Variants in TNS3 observed in about 807,000 individuals in gnomAD.
TNS3 encodes the protein tensin 3.
A neutral mutation model predicts 140.9 loss-of-function variants in TNS3; 45 were observed. That is an observed-to-expected ratio of 0.32 (90% CI 0.25 to 0.41). The LOEUF is 0.41. Ranked by LOEUF, TNS3 falls within the 10% of genes least tolerant of loss-of-function variation. The pLI is 1.00. For synonymous variants in TNS3, 815 were observed against 788.4 expected, an observed-to-expected ratio of 1.03 and a Z score of -0.56; for missense variants, 1,716 against 1,906.7, an observed-to-expected ratio of 0.90 and a Z score of 1.86.
In TNS3 at chr7:47,556,902, G is replaced by A. The variant is rs537599474; in HGVS notation, c.-265+25149C>T. ...GGCACCTGGCGATTCTCAATGCAAC[G>A]GTGCTGGGCAGAAGGGCAGGTTGCA... is the stretch of plus-strand genomic sequence containing the variant. On this transcript the variant is annotated intron_variant, in intron 1 of 30. Transcript: ENST00000311160. 1.7e-3 allele frequency: 689 copies of A among 395,930 alleles called. 2 individuals carry two copies. Among genetic ancestry groups the A allele is most frequent in the Non-Finnish European group, 2.9e-3 (578 of 196,674 alleles). The allele number at this position is 395,930 out of a possible 1,614,324, so 24.5% of individuals were successfully genotyped here.
intron 3 of TNS3, 35 bp downstream of exon 3, chr7:47,506,872 T>C: frequency 7.8e-7 from 1 of 1,285,386 alleles, no homozygotes; most frequent in Non-Finnish European, 1.0e-6. Context: ...AAGTCAGCTA[T>C]AAAAAGTCCC....
intron 17 of TNS3, among the ~76,000 whole-genome samples, chr7:47,362,670 T>G (rs1047328508): frequency 3.9e-5 from 6 of 152,096 alleles, no homozygotes; most frequent in African/African-American, 1.4e-4. Context: ...GTGTAGGCAC[T>G]CAGAGTAACA....
chr7:47,376,764 T>A (rs1273271993), intron 16 of TNS3, among the ~76,000 whole-genome samples: 1 of 56,702 alleles, frequency 1.8e-5, no homozygotes, highest in East Asian at 3.9e-4. Context: ...CAAACTCATA[T>A]ACACCTCACT....
At chr7:47,490,966 G>C (rs56091439) in intron 3 of TNS3, among the ~76,000 whole-genome samples, 10,964 of 152,236 alleles carry the variant, frequency 0.072, 1,248 homozygotes, top group African/African-American at 0.24. Flanking sequence ...GTAGAGGAAA[G>C]GGGCTCAAAA....
chr7:47,489,219 G>T lies in TNS3; in HGVS notation c.-114-8078C>A, dbSNP rs569785900. Among the ~76,000 whole-genome samples the T allele has an allele frequency of 2.6e-5, 4 of 152,288 alleles. No individual in the cohort carries two copies. The East Asian group carries it at 7.7e-4, about 29-fold the overall frequency. ...CTGCGGGCTGAGAACCGGGACAGGA[G>T]CGGAAGAGAAAGAGAAGGAAAATTC... On this transcript the variant is annotated intron_variant, in intron 3 of 30. Transcript: ENST00000311160.
In TNS3 at chr7:47,554,429, CA is replaced by C. The variant is rs899700857; in HGVS notation, c.-264-25283del. 6.5e-4 allele frequency among the ~76,000 whole-genome samples: 25 copies of C among 38,216 alleles called. No individual in the cohort carries two copies. The East Asian group carries it at 8.7e-3, about 13-fold the overall frequency. The allele number at this position is 38,216 out of a possible 152,430, so 25.1% of individuals were successfully genotyped here. On this transcript the variant is annotated intron_variant, in intron 1 of 30. Transcript: ENST00000311160. ...GAAGACTCCATCTCAAAAAAAAAAA[CA>C]AAAAAAAAAACAAATCTGGAAAAGA...
chr7:47,377,423 G>A (rs749785296), intron 16 of TNS3, among the ~76,000 whole-genome samples: 11 of 152,180 alleles, frequency 7.2e-5, no homozygotes, highest in African/African-American at 2.2e-4. Context: ...GGACACAAAT[G>A]GGTGTGGTCG....
At chr7:47,402,564 C>A (rs1793223640) in intron 13 of TNS3, among the ~76,000 whole-genome samples, 1 of 152,226 alleles carries the variant, frequency 6.6e-6, no homozygotes, top group Non-Finnish European at 1.5e-5. Flanking sequence ...TGGGCCCCTC[C>A]TTTGAGCTCC....
chr7:47,293,801 C>T lies in TNS3; in HGVS notation c.3704G>A (p.Arg1235Gln), dbSNP rs1169371955. The change falls in exon 25 of 31, where the codon CGG becomes CAG. Residue 1235 changes from arginine (R) to glutamine (Q), a missense_variant. By Grantham distance (43) the Arg-to-Gln change is conservative (BLOSUM62 1). This residue lies in a region of TNS3 where 216 missense variants were observed against 295.7 expected (regional missense o/e 0.73). Coordinates refer to ENST00000311160, the MANE Select transcript of TNS3 (RefSeq NM_022748.12). ...CGGGGTACACTCGATCAAAAAGTGC[C>T]GGACGAGTTCATTGGCCAAATCTCC... ...KAGDLANELV[R>Q]HFLIECTPKG... 2.5e-6 allele frequency: 4 copies of T among 1,613,982 alleles called. No homozygotes were observed. The highest frequency in any genetic ancestry group is 3.4e-6 in the Non-Finnish European group (4 of 1,180,036).
At chr7:47,572,395 A>C (rs1374269385) in intron 1 of TNS3, among the ~76,000 whole-genome samples, 1 of 152,248 alleles carries the variant, frequency 6.6e-6, no homozygotes, top group African/African-American at 2.4e-5. Flanking sequence ...TGGGAAGAGG[A>C]AAATGAATGA....
At chr7:47,457,277 G>A (rs2151668641) in intron 4 of TNS3, among the ~76,000 whole-genome samples, 1 of 152,126 alleles carries the variant, frequency 6.6e-6, no homozygotes, top group Admixed American at 6.5e-5. Context: ...AGCTAGCTGG[G>A]TAATTCCACT....
rs138594880 is a variant in TNS3, at chr7:47,322,917, T to G, written c.2651-17914A>C. Among the ~76,000 whole-genome samples, 58 of 152,268 alleles carry G rather than the reference T, an allele frequency of 3.8e-4. 1 individual carries two copies. The highest frequency in any genetic ancestry group is 1.3e-3 in the African/African-American group (55 of 41,548). ...GGCCAGTAGCACACTGCTGGAACCG[T>G]GTCAGAGGTGAGGCTGTGTCTCATT... is the stretch of plus-strand genomic sequence containing the variant. On this transcript the variant is annotated intron_variant, in intron 20 of 30. Coordinates refer to ENST00000311160, the MANE Select transcript of TNS3 (RefSeq NM_022748.12).
chr7:47,526,706 G>A (rs554944221), intron 2 of TNS3, among the ~76,000 whole-genome samples: 7 of 152,318 alleles, frequency 4.6e-5, no homozygotes, highest in East Asian at 3.9e-4. Flanking sequence ...TAAGGAAGCC[G>A]AGAACAAGCC....
intron 1 of TNS3, among the ~76,000 whole-genome samples, chr7:47,578,724 C>T (rs1279509736): frequency 2.0e-5 from 3 of 152,226 alleles, no homozygotes; most frequent in Non-Finnish European, 4.4e-5. Flanking sequence ...AAACACATTC[C>T]TGAGTCACAG....
At chr7:47,478,189 G>T (rs561980111) in intron 4 of TNS3, among the ~76,000 whole-genome samples, 17 of 152,294 alleles carry the variant, frequency 1.1e-4, no homozygotes, top group African/African-American at 3.9e-4. Flanking sequence ...CACTTGAGCT[G>T]ATCAGCCTTG....
At position 47,369,359 on chromosome 7, in the gene TNS3, G is replaced by T. The variant is rs1404745037; in HGVS notation, c.1287C>A (p.Leu429=). The change falls in exon 17 of 31, where the codon CTC becomes CTA. Residue 429 remains leucine, a synonymous_variant. Coordinates refer to ENST00000311160, the MANE Select transcript of TNS3 (RefSeq NM_022748.12). The part of the protein sequence containing the change: ...AQEKAELDQL[L]SGFGLEDPGS... ...CAGGATCTTCCAGGCCAAAGCCACT[G>T]AGCAGCTGGTCCAACTCTGCCTTCT... The T allele has an allele frequency of 1.2e-6, 2 of 1,614,206 alleles. No individual in the cohort carries two copies. The highest frequency in any genetic ancestry group is 2.2e-5 in the South Asian group (2 of 91,084).
Position 47,391,548 on chromosome 7 carries a change from C to T in TNS3, c.1024+5252G>A, listed in dbSNP as rs1180016647. Among the ~76,000 whole-genome samples the T allele has an allele frequency of 2.6e-5, 4 of 152,116 alleles. No homozygotes were observed. The East Asian group carries it at 7.7e-4, about 29-fold the overall frequency. ...CTTATGAGAGCAAGTAGAAAGCACCCCAATGGGGAGTGTGGCCACTGACAC... is the reference window on the plus strand; with the variant it reads ...CTTATGAGAGCAAGTAGAAAGCACCTCAATGGGGAGTGTGGCCACTGACAC... On this transcript the variant is annotated intron_variant, in intron 16 of 30. Coordinates refer to ENST00000311160, the MANE Select transcript of TNS3 (RefSeq NM_022748.12).
intron 1 of TNS3, among the ~76,000 whole-genome samples, chr7:47,569,580 G>A (rs922075246): frequency 1.4e-4 from 22 of 151,806 alleles, no homozygotes; most frequent in Admixed American, 5.9e-4. Flanking sequence ...GGGACGGGGC[G>A]TGGTGGCTCA....
chr7:47,573,679 G>C (rs543698941), intron 1 of TNS3, among the ~76,000 whole-genome samples: 78 of 152,250 alleles, frequency 5.1e-4, no homozygotes, highest in Middle Eastern at 3.4e-3. Flanking sequence ...ACTCCAGATA[G>C]AGCAACCCAC....
Sources: allele counts gnomAD v4.1 joint callset (sites outside exome capture counted in the v4.1 genomes callset), GRCh38; gene constraint gnomAD v4.1.1; regional missense constraint gnomAD v4.1.1; transcripts MANE v1.5; gene names NCBI Gene and HGNC (gene_info 2026-07-23, HGNC 2026-07-21).